SIGIRR: variants seen among roughly 807,000 people sequenced by gnomAD.
SIGIRR encodes the protein single Ig IL-1-related receptor.
SIGIRR carries 41 observed loss-of-function variants against 45.6 expected under a neutral mutation model. The observed-to-expected ratio is 0.90, with a 90% CI of 0.70 to 1.17. The LOEUF is 1.17. SIGIRR is among the 50% of genes most tolerant of loss of function. The probability of loss-of-function intolerance (pLI) is 0.00; values close to 1 mark genes in which losing one functional copy is unlikely to be tolerated. For missense variants in SIGIRR, 599 were observed against 539.6 expected (o/e 1.11, Z -1.09); for synonymous variants, 298 against 239.0 (o/e 1.25, Z -2.28).
At chr11:415,300 C>T (rs894176144), upstream of SIGIRR, among the ~76,000 whole-genome samples, 30 of 147,080 alleles carry the variant, frequency 2.0e-4, 1 homozygote, top group Non-Finnish European at 3.7e-4. The surrounding 1 kb of genome is among the most constrained non-coding windows in gnomAD (Gnocchi z 6.6). Flanking sequence ...CGTGTGCGTG[C>T]GTTTGTGTGT....
chr11:408,384 C>G lies in SIGIRR; in HGVS notation c.207-178G>C, dbSNP rs567844734. Among the ~76,000 whole-genome samples the G allele has an allele frequency of 3.3e-5, 5 of 152,306 alleles. No homozygotes were observed. In the East Asian group the frequency reaches 7.7e-4, roughly 23 times the overall value. On this transcript the variant is annotated intron_variant, in intron 3 of 9. Transcript: ENST00000431843. ...GGGATGCAGATTTGTTTCAGAACAG[C>G]CGTCCCAGTCCTGGGTCTGGGGCCT...
Position 408,835 on chromosome 11 carries a change from A to T in SIGIRR, c.66T>A (p.Pro22=). 6.2e-7 allele frequency: 1 copy of T among 1,612,778 alleles called. No homozygotes were observed. The highest frequency in any genetic ancestry group is 1.7e-4 in the Middle Eastern group (1 of 6,058). ...LSPSEDQVLR[P]ALGSSVALNC... ...TCAGAGCCACTGAGCTGCCCAAGGCAGGCCTCAGCACCTGGTCTTCAGACG... is the reference window on the plus strand; with the variant it reads ...TCAGAGCCACTGAGCTGCCCAAGGCTGGCCTCAGCACCTGGTCTTCAGACG... The change falls in exon 3 of 10, where the codon CCT becomes CCA. Residue 22 remains proline (P), a synonymous_variant. Transcript: ENST00000431843.
Position 406,445 on chromosome 11 carries a change from G to A in SIGIRR, c.973C>T (p.Gln325Ter). The A allele has an allele frequency of 6.2e-7, 1 of 1,612,770 alleles. No individual in the cohort carries two copies. The highest frequency in any genetic ancestry group is 8.5e-7 in the Non-Finnish European group (1 of 1,179,924). ...PVEGDPQTQLQDDKDPMLILR... is the reference protein window; with the variant it reads ...PVEGDPQTQL ...ATCAGCATGGGGTCCTTGTCGTCCT[G>A]CAGCTGCGTCTGGGGGTCTCCTTCC... The change falls in exon 9 of 10, where the codon CAG becomes TAG. Residue 325 changes from glutamine to a stop codon, truncating the protein, a stop_gained. Coordinates refer to ENST00000431843, the MANE Select transcript of SIGIRR (RefSeq NM_001135054.2). LOFTEE classifies it high-confidence loss of function.
Position 409,547 on chromosome 11 carries a change from A to C in SIGIRR, c.7+321T>G, listed in dbSNP as rs1267799436. The stretch of plus-strand genomic sequence containing the variant: ...CGGGAGGTCAAACCACCATCTTCTC[A>C]GTAGGGTATGGTCTCCTGCCAGCTC... On this transcript the variant is annotated intron_variant, in intron 2 of 9. Coordinates refer to ENST00000431843, the MANE Select transcript of SIGIRR (RefSeq NM_001135054.2). 2.5e-5 allele frequency: 10 copies of C among 400,604 alleles called. No individual in the cohort carries two copies. The Admixed American group carries it at 4.0e-4, about 16-fold the overall frequency. The allele number at this position is 400,604 out of a possible 1,614,324, so 24.8% of individuals were successfully genotyped here.
chr11:405,925 A>C lies in SIGIRR; in HGVS notation c.1204T>G (p.Tyr402Asp). ...ATATCATCCTTGGACACCAGGCAGT[A>C]GAAGTCTGTGCGGGCACTGTAGTTT... is the stretch of plus-strand genomic sequence containing the variant. Reference protein sequence around the residue: ...SRNYSARTDFYCLVSKDDM With the variant: ...SRNYSARTDFDCLVSKDDM Residue 402 changes from tyrosine to aspartate, a missense_variant, in exon 10 of 10, where the codon TAC becomes GAC. By Grantham distance (160) the Tyr-to-Asp change is radical (BLOSUM62 -3). Coordinates refer to ENST00000431843, the MANE Select transcript of SIGIRR (RefSeq NM_001135054.2). 1 of 1,608,328 alleles carries C rather than the reference A, an allele frequency of 6.2e-7. No homozygotes were observed. The highest frequency in any genetic ancestry group is 8.5e-7 in the Non-Finnish European group (1 of 1,176,700).
At position 407,359 on chromosome 11, in the gene SIGIRR, C is replaced by G. The variant is rs1590371854; in HGVS notation, c.625+66G>C. 9.4e-6 allele frequency: 11 copies of G among 1,175,982 alleles called. No individual in the cohort carries two copies. In the South Asian group the frequency reaches 1.7e-4, roughly 18 times the overall value. 72.8% of individuals were successfully genotyped at this position (1,175,982 alleles called of 1,614,324 possible). A position where few individuals can be genotyped will look rare whatever the true frequency, so the allele number is the denominator to read the frequency against. ...GGTGGGGGTGGGGCCCCGGGTGGGA[C>G]GGAGCATGGGGCGGGGCGGGGCGGG... On this transcript the variant is annotated intron_variant, in intron 6 of 9. Transcript: ENST00000431843.
chr11:412,799 A>G (rs1564894524), intron 1 of SIGIRR, among the ~76,000 whole-genome samples: 1 of 151,772 alleles, frequency 6.6e-6, no homozygotes, highest in Non-Finnish European at 1.5e-5. Context: ...ACCTCGAAAC[A>G]CCTCGGGAAA....
rs1006444133 is a variant in SIGIRR at position 414,834 on chromosome 11, TCTTTC to T, written c.-170_-166del. On this transcript the variant is annotated 5_prime_UTR_variant, in exon 1 of 10. An upstream open reading frame in the 5' UTR loses its in-frame stop. Coordinates refer to ENST00000431843, the MANE Select transcript of SIGIRR (RefSeq NM_001135054.2). ...GGGAAGGCAGTCACCTGGTTCCAGT[TCTTTC>T]CTCCGGGGGGCAAATGTTGGTCATT... 3 of 985,426 alleles carry T rather than the reference TCTTTC, an allele frequency of 3.0e-6. No homozygotes were observed. In the African/African-American group the frequency reaches 5.2e-5, roughly 17 times the overall value. The allele number at this position is 985,426 out of a possible 1,614,324, so 61.0% of individuals were successfully genotyped here. A position where few individuals can be genotyped will look rare whatever the true frequency, so the allele number is the denominator to read the frequency against.
chr11:413,082 C>T (rs1847745326), intron 1 of SIGIRR, among the ~76,000 whole-genome samples: 1 of 152,150 alleles, frequency 6.6e-6, no homozygotes, highest in South Asian at 2.1e-4. Context: ...TGTCTACTCC[C>T]CTCCCTGCTG....
intron 1 of SIGIRR, among the ~76,000 whole-genome samples, chr11:410,775 A>G (rs374043194): frequency 3.3e-3 from 75 of 22,804 alleles, no homozygotes; most frequent in Middle Eastern, 0.045. Flanking sequence ...ATGTCTGGAT[A>G]CAGTCGGGGG....
Position 407,086 on chromosome 11 carries a change from C to T in SIGIRR, c.704G>A (p.Arg235Gln), listed in dbSNP as rs1847351576. 5 of 1,540,676 alleles carry T rather than the reference C, an allele frequency of 3.2e-6. No homozygotes were observed. The highest frequency in any genetic ancestry group is 1.9e-5 in the Admixed American group (1 of 52,340). The change falls in exon 7 of 10, where the codon CGG (arginine) becomes CAG (glutamine). Residue 235 changes from arginine (R) to glutamine (Q), a missense_variant. Coordinates refer to ENST00000431843, the MANE Select transcript of SIGIRR (RefSeq NM_001135054.2). The stretch of plus-strand genomic sequence containing the variant: ...CCGGAAGCTGTGGCTGCACCAGGCC[C>T]GGCTCAGGAAGGCGTCCGAAAGCAC... ...IVVLSDAFLS[R>Q]AWCSHSFREG...
chr11:413,623 C>A (rs1847768055), intron 1 of SIGIRR, among the ~76,000 whole-genome samples: 1 of 151,780 alleles, frequency 6.6e-6, no homozygotes, highest in African/African-American at 2.4e-5. Context: ...GGTGCCCTCC[C>A]CTGCAAACCC....
In SIGIRR at chr11:408,913, T is replaced by A. The variant is rs1358469035; in HGVS notation, c.8-20A>T. Reference sequence around the variant, plus strand: ...AGACACCTGAAGAGAGAGGACACAGTGGGTCAGCTGTGCCAGGGTGCCTGG... The same window carrying A: ...AGACACCTGAAGAGAGAGGACACAGAGGGTCAGCTGTGCCAGGGTGCCTGG... On this transcript the variant is annotated intron_variant, in intron 2 of 9. Coordinates refer to ENST00000431843, the MANE Select transcript of SIGIRR (RefSeq NM_001135054.2). 2.5e-6 allele frequency: 4 copies of A among 1,610,996 alleles called. No individual in the cohort carries two copies. In the East Asian group the frequency reaches 6.7e-5, roughly 27 times the overall value.
At chr11:408,332 G>A in intron 3 of SIGIRR, 126 bp from the exon 4 acceptor site, 1 of 1,273,040 alleles carries the variant, frequency 7.9e-7, no homozygotes, top group Non-Finnish European at 1.1e-6. Context: ...TGGGCCTTAA[G>A]CCAAGAGAAG....
chr11:407,123 G>C lies in SIGIRR; in HGVS notation c.667C>G (p.Arg223Gly), dbSNP rs1469221049. ...GCGTCCGAAAGCACCACGATGAGGC[G>C]TCGGCAGCGGCTCAGGTTCACCAAG... ...DLLVNLSRCR[R>G]LIVVLSDAFL... Residue 223 changes from arginine to glycine, a missense_variant, in exon 7 of 10, where the codon CGC (arginine) becomes GGC (glycine). Physicochemically the swap from Arg to Gly is moderately radical, Grantham distance 125. Transcript: ENST00000431843. 1 of 1,563,188 alleles carries C rather than the reference G, an allele frequency of 6.4e-7. No individual in the cohort carries two copies. The highest frequency in any genetic ancestry group is 1.2e-5 in the South Asian group (1 of 85,370).
chr11:406,442 C>T lies in SIGIRR; in HGVS notation c.976G>A (p.Asp326Asn). Residue 326 changes from aspartate (D) to asparagine (N), a missense_variant, in exon 9 of 10, where the codon GAC (aspartate) becomes AAC (asparagine). Asp to Asn is a conservative substitution (Grantham distance 23). Coordinates refer to ENST00000431843, the MANE Select transcript of SIGIRR (RefSeq NM_001135054.2). ...VEGDPQTQLQ[D>N]DKDPMLILRG... ...AGAATCAGCATGGGGTCCTTGTCGT[C>T]CTGCAGCTGCGTCTGGGGGTCTCCT... is the stretch of plus-strand genomic sequence containing the variant. The T allele has an allele frequency of 1.2e-6, 2 of 1,612,772 alleles. No homozygotes were observed. Among genetic ancestry groups the T allele is most frequent in the Non-Finnish European group, 1.7e-6 (2 of 1,179,924 alleles).
chr11:407,283 G>A, intron 6 of SIGIRR, 119 bp from the exon 7 acceptor site: 2 of 564,094 alleles, frequency 3.5e-6, no homozygotes, highest in South Asian at 5.0e-5. Flanking sequence ...CGGGGTGGGC[G>A]GGTTTTTGAG....
At position 407,475 on chromosome 11, in the gene SIGIRR, C is replaced by A; in HGVS notation, c.575G>T (p.Arg192Leu). The stretch of plus-strand genomic sequence containing the variant: ...GTCCAGGAAGAGCTTGTAGCCCCGA[C>A]GCCGCTCCAGCTGCGGCTTTAGGAT... The part of the protein sequence containing the change: ...NFILKPQLER[R>L]RGYKLFLDDR... The change falls in exon 6 of 10, where the codon CGT becomes CTT. Residue 192 changes from arginine (R) to leucine (L), a missense_variant. Physicochemically the swap from Arg to Leu is moderately radical, Grantham distance 102 (BLOSUM62 -2). Transcript: ENST00000431843. The A allele has an allele frequency of 6.3e-7, 1 of 1,578,846 alleles. No individual in the cohort carries two copies. Among genetic ancestry groups the A allele is most frequent in the Non-Finnish European group, 8.6e-7 (1 of 1,163,212 alleles).
Position 406,545 on chromosome 11 carries a change from G to C in SIGIRR, c.880-7C>G, listed in dbSNP as rs201295626. 1 of 1,605,262 alleles carries C rather than the reference G, an allele frequency of 6.2e-7. No homozygotes were observed. Among genetic ancestry groups the C allele is most frequent in the African/African-American group, 1.3e-5 (1 of 74,788 alleles). ...AAAAATCGGAGGAAGGAGTCTGGGG[G>C]CCAGGTCGGGGCGGTTTGCAGGTGT... On this transcript the variant is annotated splice_polypyrimidine_tract_variant and splice_region_variant and intron_variant, in intron 8 of 9. Transcript: ENST00000431843.
Sources: allele counts gnomAD v4.1 joint callset (sites outside exome capture counted in the v4.1 genomes callset), GRCh38; gene constraint gnomAD v4.1.1; non-coding constraint Gnocchi (gnomAD v3.1); transcripts MANE v1.5; gene names NCBI Gene and HGNC (gene_info 2026-07-23, HGNC 2026-07-21).